UBE3B: variants seen among roughly 807,000 people sequenced by gnomAD.
UBE3B encodes the protein ubiquitin-protein ligase E3B.
UBE3B carries 80 observed loss-of-function variants against 132.3 expected under a neutral mutation model. The ratio of observed to expected loss-of-function variants is 0.60; its 90% CI spans 0.50 to 0.73. UBE3B has a LOEUF of 0.73. Ranked by LOEUF, UBE3B falls within the 30% of genes least tolerant of loss-of-function variation. The pLI is 0.00. For synonymous variants in UBE3B, 487 were observed against 520.4 expected, an observed-to-expected ratio of 0.94 and a Z score of 0.87; for missense variants, 1,196 against 1,362.5, an observed-to-expected ratio of 0.88 and a Z score of 1.92.
At chr12:109,515,423 G>A (rs1221873809) in intron 18 of UBE3B, among the ~76,000 whole-genome samples, 3 of 151,992 alleles carry the variant, frequency 2.0e-5, no homozygotes, top group African/African-American at 4.8e-5. Context: ...AGGCTGGAGT[G>A]TGATGGTACG....
At chr12:109,499,184 G>A (rs1878628243) in intron 11 of UBE3B, among the ~76,000 whole-genome samples, 1 of 152,090 alleles carries the variant, frequency 6.6e-6, no homozygotes, top group African/African-American at 2.4e-5. Context: ...GGTGAACGTT[G>A]AATAACAGCG....
rs374018902 is a variant in UBE3B, at chr12:109,534,420, C to A, written c.3016-171C>A. On this transcript the variant is annotated intron_variant, in intron 27 of 27. Coordinates refer to ENST00000342494, the MANE Select transcript of UBE3B (RefSeq NM_130466.4). The surrounding 1 kb of genome is among the most constrained non-coding windows in gnomAD (Gnocchi z 5.2). Reference sequence around the variant, plus strand: ...AGGGGTTCCTTCTCTGGAAGCCAGTCGTCTTGTGTCTGGGGCTTGACCTCG... The same window carrying A: ...AGGGGTTCCTTCTCTGGAAGCCAGTAGTCTTGTGTCTGGGGCTTGACCTCG... 8 of 1,417,826 alleles carry A rather than the reference C, an allele frequency of 5.6e-6. No homozygotes were observed. Among genetic ancestry groups the A allele is most frequent in the African/African-American group, 1.5e-5 (1 of 68,678 alleles). The allele number at this position is 1,417,826 out of a possible 1,614,324, so 87.8% of individuals were successfully genotyped here. A position where few individuals can be genotyped will look rare whatever the true frequency, so the allele number is the denominator to read the frequency against.
intron 14 of UBE3B, among the ~76,000 whole-genome samples, chr12:109,506,002 G>A (rs182393406): frequency 3.9e-5 from 6 of 152,328 alleles, no homozygotes; most frequent in African/African-American, 1.4e-4. Context: ...TAAGTCAAGA[G>A]ATGTGTTATT....
rs1443129237 is a variant in UBE3B at position 109,533,498 on chromosome 12, G to A, written c.2955G>A (p.Leu985=). 1 of 1,614,046 alleles carries A rather than the reference G, an allele frequency of 6.2e-7. No homozygotes were observed. The highest frequency in any genetic ancestry group is 8.5e-7 in the Non-Finnish European group (1 of 1,180,014). ...FVTSCSRPPL[L]GFAYLKPPFS... ...CCAGCTGCTCCAGACCCCCGCTCCT[G>A]GGATTCGCCTACCTCAAGCCTCCAT... is the stretch of plus-strand genomic sequence containing the variant. Residue 985 remains leucine, a synonymous_variant, in exon 27 of 28, where the codon CTG becomes CTA. Coordinates refer to ENST00000342494, the MANE Select transcript of UBE3B (RefSeq NM_130466.4).
the UBE3B span, among the ~76,000 whole-genome samples, chr12:109,545,720 C>A: frequency 6.6e-6 from 1 of 152,170 alleles, no homozygotes; most frequent in Non-Finnish European, 1.5e-5. Flanking sequence ...ATCTGGAGCC[C>A]GCTGCCTCCA....
chr12:109,547,675 A>G, the UBE3B span, among the ~76,000 whole-genome samples: 1 of 152,124 alleles, frequency 6.6e-6, no homozygotes, highest in African/African-American at 2.4e-5. This position sits in a 1 kb window ranked among gnomAD's most constrained non-coding sequence, Gnocchi z 4.1. Context: ...CCACAGCGAA[A>G]CCACGTTTCC....
chr12:109,545,256 T>C, the UBE3B span, among the ~76,000 whole-genome samples: 1 of 152,316 alleles, frequency 6.6e-6, no homozygotes, highest in African/African-American at 2.4e-5. Flanking sequence ...TGGTGCCAGA[T>C]GAGCCGGGCC....
At chr12:109,513,020 G>A (rs866044590) in intron 18 of UBE3B, among the ~76,000 whole-genome samples, 2 of 152,200 alleles carry the variant, frequency 1.3e-5, no homozygotes, top group South Asian at 4.1e-4. Context: ...CCTAAAAGTG[G>A]CTTCTTTTAT....
chr12:109,499,933 T>C, intron 12 of UBE3B, 123 bp downstream of exon 12: 4 of 823,452 alleles, frequency 4.9e-6, no homozygotes, highest in Non-Finnish European at 6.5e-6. Context: ...GTATTCATTA[T>C]ATATTAATAA....
At chr12:109,516,189 T>TTTTTTTTTTTTTTTTA (rs1881026324) in intron 18 of UBE3B, among the ~76,000 whole-genome samples, 1 of 120,636 alleles carries the variant, frequency 8.3e-6, no homozygotes, top group African/African-American at 3.5e-5. Context: ...TTTTTTTTTT[T>TTTTTTTTTTTTTTTTA]GAGACAGAGT....
At chr12:109,542,469 G>T in the UBE3B span, among the ~76,000 whole-genome samples, 2 of 152,188 alleles carry the variant, frequency 1.3e-5, no homozygotes, top group African/African-American at 4.8e-5. Context: ...CCGTCCTCAA[G>T]ATGGTGTATG....
At chr12:109,496,243 T>C (rs1698802510) in intron 9 of UBE3B, among the ~76,000 whole-genome samples, 1 of 152,260 alleles carries the variant, frequency 6.6e-6, no homozygotes, top group Non-Finnish European at 1.5e-5. Flanking sequence ...CATGGATCAG[T>C]ACTTCATGCA....
At chr12:109,508,553 C>A (rs2135974777) in intron 15 of UBE3B, 2 of 985,446 alleles carry the variant, frequency 2.0e-6, no homozygotes, top group East Asian at 1.1e-4. Flanking sequence ...TTATAAGATA[C>A]AATGGACCTC....
At chr12:109,523,546 TC>T (rs1465939136) in intron 21 of UBE3B, among the ~76,000 whole-genome samples, 1 of 152,126 alleles carries the variant, frequency 6.6e-6, no homozygotes, top group Non-Finnish European at 1.5e-5. Flanking sequence ...TCCCGGAAGC[TC>T]CCCAACTCTG....
At chr12:109,507,977 G>A (rs771087203) in intron 15 of UBE3B, among the ~76,000 whole-genome samples, 10 of 152,158 alleles carry the variant, frequency 6.6e-5, no homozygotes, top group Non-Finnish European at 1.2e-4. Flanking sequence ...AGTACCACTG[G>A]CTGTGGCTTG....
chr12:109,520,289 A>T (rs2049188171), intron 19 of UBE3B: 1 of 152,262 alleles, frequency 6.6e-6, no homozygotes, highest in Non-Finnish European at 1.5e-5. Flanking sequence ...CACCCCAAGT[A>T]CTAGGAATGC....
chr12:109,497,896 G>T lies in UBE3B; in HGVS notation c.792G>T (p.Val264=). 6 of 1,614,144 alleles carry T rather than the reference G, an allele frequency of 3.7e-6. No individual in the cohort carries two copies. The highest frequency in any genetic ancestry group is 5.1e-6 in the Non-Finnish European group (6 of 1,180,040). Residue 264 remains valine (V), a synonymous_variant, in exon 10 of 28, where the codon GTG becomes GTT. Coordinates refer to ENST00000342494, the MANE Select transcript of UBE3B (RefSeq NM_130466.4). ...ACATCATGTCTGTGCCTGCTCTGGT[G>T]ACTCATCTCAGCACAGTGACCCCTG... ...LIHIMSVPAL[V]THLSTVTPER...
chr12:109,508,807 C>A, intron 15 of UBE3B: 1 of 918,980 alleles, frequency 1.1e-6, no homozygotes, highest in Non-Finnish European at 1.3e-6. Flanking sequence ...CTCATTTATT[C>A]ATATGTTCTT....
intron 1 of UBE3B, among the ~76,000 whole-genome samples, chr12:109,480,556 T>A (rs1215672909): frequency 6.6e-6 from 1 of 151,484 alleles, no homozygotes; most frequent in Non-Finnish European, 1.5e-5. Flanking sequence ...GAAGCTGAGG[T>A]GGGAGAATCG....
Sources: gnomAD v4.1 joint callset for allele counts (sites outside exome capture counted in the v4.1 genomes callset) on GRCh38, gnomAD v4.1.1 for gene constraint, Gnocchi (gnomAD v3.1) non-coding constraint, MANE v1.5 for transcripts, NCBI Gene and HGNC (gene_info 2026-07-23, HGNC 2026-07-21) for gene names.